TMEM79: variants seen among roughly 807,000 people sequenced by gnomAD.
TMEM79 encodes the protein mattrin.
Under a neutral mutation model 31.2 loss-of-function variants are expected in TMEM79, and 30 were observed. The observed-to-expected ratio is 0.96, with a 90% CI of 0.72 to 1.30. TMEM79 has a LOEUF of 1.30. Ranked by LOEUF, TMEM79 falls within the 50% of genes most tolerant of loss-of-function variation. The probability of loss-of-function intolerance (pLI) is 0.00; values close to 1 mark genes in which losing one functional copy is unlikely to be tolerated. For missense variants in TMEM79, 509 were observed against 528.2 expected, an observed-to-expected ratio of 0.96 and a Z score of 0.36; for synonymous variants, 213 against 229.5, an observed-to-expected ratio of 0.93 and a Z score of 0.65.
chr1:156,288,246 G>A (rs1026287834), intron 3 of TMEM79, among the ~76,000 whole-genome samples: 2 of 149,284 alleles, frequency 1.3e-5, no homozygotes, highest in Admixed American at 6.7e-5. Flanking sequence ...ATGAACTACT[G>A]TTAATCTAGA....
chr1:156,287,976 AG>A (rs1663215229), intron 3 of TMEM79, among the ~76,000 whole-genome samples: 1 of 151,372 alleles, frequency 6.6e-6, no homozygotes, highest in Non-Finnish European at 1.5e-5. Flanking sequence ...GTACTTTGGG[AG>A]GCGGAGGCGG....
At chr1:156,288,189 C>T (rs12730913) in intron 3 of TMEM79, among the ~76,000 whole-genome samples, 1 of 144,024 alleles carries the variant, frequency 6.9e-6, no homozygotes, top group African/African-American at 2.6e-5. Flanking sequence ...AAGAGTGAGA[C>T]TCCGTCTCAA....
chr1:156,286,772 T>A (rs1475133802), intron 3 of TMEM79, among the ~76,000 whole-genome samples: 1 of 152,240 alleles, frequency 6.6e-6, no homozygotes, highest in Non-Finnish European at 1.5e-5. Context: ...TGTTTTGGTC[T>A]CTGGTTGAAC....
In TMEM79 at chr1:156,285,452, T is replaced by C. The variant is rs776039180; in HGVS notation, c.226T>C (p.Leu76=). Residue 76 remains leucine, a synonymous_variant, in exon 2 of 4, where the codon TTG becomes CTG. Transcript: ENST00000405535. ...LDSTVSEAAT[L]PWGTGPQPSA... ...CAGCACAGTAAGTGAGGCTGCCACC[T>C]TGCCCTGGGGGACTGGCCCTCAGCC... 3.7e-6 allele frequency: 6 copies of C among 1,613,998 alleles called. No individual in the cohort carries two copies. The South Asian group carries it at 6.6e-5, about 18-fold the overall frequency.
upstream of TMEM79, among the ~76,000 whole-genome samples, chr1:156,283,347 A>G (rs1025460032): frequency 6.6e-6 from 1 of 152,234 alleles, no homozygotes; most frequent in Non-Finnish European, 1.5e-5. Flanking sequence ...TCCAGCTTGC[A>G]TATCTATCTC....
Position 156,285,432 on chromosome 1 carries a change from CAGTA to C in TMEM79, c.210_213del (p.Ser71ArgfsTer39), listed in dbSNP as rs764420377. 1.2e-6 allele frequency: 2 copies of C among 1,612,952 alleles called. No individual in the cohort carries two copies. Among genetic ancestry groups the C allele is most frequent in the Admixed American group, 3.3e-5 (2 of 59,986 alleles). Reference sequence around the variant, plus strand: ...GGGGCTGAGGATGGTCTAGACAGCACAGTAAGTGAGGCTGCCACCTTGCCCTGGG... The same window carrying C: ...GGGGCTGAGGATGGTCTAGACAGCACAGTGAGGCTGCCACCTTGCCCTGGG... On this transcript the variant is annotated frameshift_variant, in exon 2 of 4. Transcript: ENST00000405535. LOFTEE classifies it high-confidence loss of function.
intron 3 of TMEM79, among the ~76,000 whole-genome samples, chr1:156,288,667 A>G (rs1663235345): frequency 6.6e-6 from 1 of 152,184 alleles, no homozygotes; most frequent in African/African-American, 2.4e-5. Flanking sequence ...ACAGGATTCC[A>G]GGTAGCTCGC....
At chr1:156,286,596 C>A in intron 3 of TMEM79, 123 bp downstream of exon 3, 1 of 965,330 alleles carries the variant, frequency 1.0e-6, no homozygotes, top group South Asian at 1.6e-5. Flanking sequence ...AATGTGTGCC[C>A]TGGGGAGATA....
At chr1:156,290,055 G>A (rs1663273019) in intron 3 of TMEM79, 1 of 152,118 alleles carries the variant, frequency 6.6e-6, no homozygotes, top group Non-Finnish European at 1.5e-5. Flanking sequence ...TTCTTCATCT[G>A]CAAGAGGATA....
At chr1:156,287,198 C>T (rs956903824) in intron 3 of TMEM79, among the ~76,000 whole-genome samples, 3 of 151,756 alleles carry the variant, frequency 2.0e-5, no homozygotes, top group Non-Finnish European at 4.4e-5. Flanking sequence ...GGGTGGATCA[C>T]AATGTCAGGA....
Position 156,291,572 on chromosome 1 carries a change from G to T in TMEM79, c.1159G>T (p.Asp387Tyr), listed in dbSNP as rs749209043. The T allele has an allele frequency of 6.2e-7, 1 of 1,611,128 alleles. No homozygotes were observed. Among genetic ancestry groups the T allele is most frequent in the Non-Finnish European group, 8.5e-7 (1 of 1,179,944 alleles). Reference protein sequence around the residue: ...DYPDHARSASDYRPRPWG With the variant: ...DYPDHARSASYYRPRPWG ...CCCGGACCACGCCCGCTCGGCCTCC[G>T]ACTACAGGCCCCGCCCCTGGGGCTG... Residue 387 changes from aspartate to tyrosine, a missense_variant, in exon 4 of 4, where the codon GAC becomes TAC. Transcript: ENST00000405535.
intron 3 of TMEM79, among the ~76,000 whole-genome samples, chr1:156,288,987 G>A (rs1202193976): frequency 6.6e-6 from 1 of 152,190 alleles, no homozygotes; most frequent in Non-Finnish European, 1.5e-5. Context: ...ACAGATTAGG[G>A]GAAGAGAGTT....
chr1:156,288,197 C>CA (rs537121886), intron 3 of TMEM79, among the ~76,000 whole-genome samples: 2,717 of 56,568 alleles, frequency 0.048, 78 homozygotes, highest in African/African-American at 0.14. Context: ...GACTCCGTCT[C>CA]AAAAAAAAAA....
In TMEM79 at chr1:156,285,419, G is replaced by A; in HGVS notation, c.193G>A (p.Gly65Ser). The A allele has an allele frequency of 6.2e-7, 1 of 1,611,232 alleles. No individual in the cohort carries two copies. Among genetic ancestry groups the A allele is most frequent in the Non-Finnish European group, 8.5e-7 (1 of 1,178,440 alleles). The change falls in exon 2 of 4, where the codon GGT (glycine) becomes AGT (serine). Residue 65 changes from glycine (G) to serine (S), a missense_variant. Gly to Ser is a moderately conservative substitution (Grantham distance 56). Coordinates refer to ENST00000405535, the MANE Select transcript of TMEM79 (RefSeq NM_032323.3). ...CACAGCCATAGAGGGGGCTGAGGAT[G>A]GTCTAGACAGCACAGTAAGTGAGGC... ...SPTAIEGAEDGLDSTVSEAAT... is the reference protein window; with the variant it reads ...SPTAIEGAEDSLDSTVSEAAT...
chr1:156,291,644 T>G lies in TMEM79; in HGVS notation c.*46T>G. On this transcript the variant is annotated 3_prime_UTR_variant, in exon 4 of 4. Transcript: ENST00000405535. Reference sequence around the variant, plus strand: ...GGAGTAGGGGGTAGCGGCTTGGGTCTGACACATCTTTGAACCTTGTGGCCA... The same window carrying G: ...GGAGTAGGGGGTAGCGGCTTGGGTCGGACACATCTTTGAACCTTGTGGCCA... The G allele has an allele frequency of 3.8e-6, 6 of 1,575,512 alleles. No individual in the cohort carries two copies. Among genetic ancestry groups the G allele is most frequent in the Non-Finnish European group, 5.2e-6 (6 of 1,147,260 alleles).
rs1306455681 is a variant in TMEM79 at position 156,291,665 on chromosome 1, G to A, written c.*67G>A. The A allele has an allele frequency of 6.7e-7, 1 of 1,501,990 alleles. No homozygotes were observed. Among genetic ancestry groups the A allele is most frequent in the East Asian group, 2.3e-5 (1 of 44,026 alleles). The allele number at this position is 1,501,990 out of a possible 1,614,324, so 93.0% of individuals were successfully genotyped here. A position where few individuals can be genotyped will look rare whatever the true frequency, so the allele number is the denominator to read the frequency against. ...GGTCTGACACATCTTTGAACCTTGT[G>A]GCCAGGCCTGGACTTCGCCCCCAGG... is the stretch of plus-strand genomic sequence containing the variant. On this transcript the variant is annotated 3_prime_UTR_variant, in exon 4 of 4. Coordinates refer to ENST00000405535, the MANE Select transcript of TMEM79 (RefSeq NM_032323.3).
At chr1:156,286,703 G>C (rs1663173678) in intron 3 of TMEM79, among the ~76,000 whole-genome samples, 1 of 152,236 alleles carries the variant, frequency 6.6e-6, no homozygotes. Flanking sequence ...AGGCTTTCAG[G>C]TGTCATCTAG....
rs1404890541 is a variant in TMEM79, at chr1:156,286,355, G to A, written c.853G>A (p.Ala285Thr). The A allele has an allele frequency of 8.7e-6, 14 of 1,614,068 alleles. No individual in the cohort carries two copies. Among genetic ancestry groups the A allele is most frequent in the Non-Finnish European group, 1.2e-5 (14 of 1,180,036 alleles). Residue 285 changes from alanine to threonine, a missense_variant, in exon 3 of 4, where the codon GCC (alanine) becomes ACC (threonine). Transcript: ENST00000405535. ...GGTGGAGATCCACCGGCGATATGTG[G>A]CCCAGTCGGTCCAGCTCTTTATTCT... ...REVEIHRRYV[A>T]QSVQLFILYF...
Position 156,286,422 on chromosome 1 carries a change from A to G in TMEM79, c.920A>G (p.Gln307Arg). 6.2e-7 allele frequency: 1 copy of G among 1,614,186 alleles called. No homozygotes were observed. Among genetic ancestry groups the G allele is most frequent in the Non-Finnish European group, 8.5e-7 (1 of 1,180,026 alleles). The change falls in exon 3 of 4, where the codon CAG becomes CGG. Residue 307 changes from glutamine to arginine, a missense_variant. Gln to Arg is a conservative substitution (Grantham distance 43). Coordinates refer to ENST00000405535, the MANE Select transcript of TMEM79 (RefSeq NM_032323.3). ...NLAVLSTYLPQDTLKLLPLLT... is the reference protein window; with the variant it reads ...NLAVLSTYLPRDTLKLLPLLT... ...GCCGTGCTTTCCACTTACCTGCCCC[A>G]GGATACCCTCAAACTGCTCCCTCTG...
Sources: gnomAD v4.1 joint callset for allele counts (sites outside exome capture counted in the v4.1 genomes callset) on GRCh38, gnomAD v4.1.1 for gene constraint, MANE v1.5 for transcripts, NCBI Gene and HGNC (gene_info 2026-07-23, HGNC 2026-07-21) for gene names.